BABAM2: variants seen among roughly 807,000 people sequenced by gnomAD.
The protein encoded by BABAM2 is BRISC and BRCA1-A complex member 2.
In BABAM2, 31 loss-of-function variants were observed where a neutral mutation model predicts 54.7. That is an observed-to-expected ratio of 0.57 (90% CI 0.43 to 0.77). The LOEUF (loss-of-function observed/expected upper bound fraction) is 0.77, where lower values mean the gene tolerates loss of function less well. Among genes scored for constraint, BABAM2 ranks in the 30% least tolerant of loss-of-function variants. The pLI is 0.00. For missense variants in BABAM2, 364 were observed against 455.8 expected (o/e 0.80, Z 1.83); for synonymous variants, 167 against 162.9 (o/e 1.03, Z -0.19).
intron 6 of BABAM2, among the ~76,000 whole-genome samples, chr2:28,101,930 T>G (rs1558336256): frequency 6.6e-6 from 1 of 152,200 alleles, no homozygotes; most frequent in Non-Finnish European, 1.5e-5. Context: ...GAATGTGTGT[T>G]TTTTAACAAA....
chr2:28,164,744 A>G (rs1381969095), intron 7 of BABAM2, among the ~76,000 whole-genome samples: 9 of 152,162 alleles, frequency 5.9e-5, no homozygotes, highest in Admixed American at 4.6e-4. Context: ...TGTCACATGT[A>G]TCTTGGCGCT....
intron 2 of BABAM2, among the ~76,000 whole-genome samples, chr2:27,920,179 T>C (rs1305494022): frequency 6.6e-6 from 1 of 152,206 alleles, no homozygotes; most frequent in African/African-American, 2.4e-5. Context: ...CAATTTTGTC[T>C]TCTTTTACCG....
intron 10 of BABAM2, among the ~76,000 whole-genome samples, chr2:28,251,014 A>G (rs1683429040): frequency 6.6e-6 from 1 of 152,186 alleles, no homozygotes. Context: ...TCAGAGCTGT[A>G]GGATTGGGGC....
At chr2:28,211,380 T>G (rs1679433305) in intron 7 of BABAM2, among the ~76,000 whole-genome samples, 1 of 113,440 alleles carries the variant, frequency 8.8e-6, no homozygotes, top group South Asian at 3.3e-4. Context: ...GTTCCTTCCT[T>G]ATTATCTTTT....
At chr2:27,982,882 C>CACACAT (rs746699740) in intron 3 of BABAM2, among the ~76,000 whole-genome samples, 2,644 of 146,370 alleles carry the variant, frequency 0.018, 53 homozygotes, top group African/African-American at 0.049. Context: ...CACACACACA[C>CACACAT]ATATATGTCA....
intron 4 of BABAM2, among the ~76,000 whole-genome samples, chr2:27,993,060 G>C (rs889970310): frequency 2.7e-4 from 41 of 152,012 alleles, no homozygotes; most frequent in Non-Finnish European, 7.4e-5. Flanking sequence ...ATGATTTTTG[G>C]TTGCTTGTTT....
intron 7 of BABAM2, among the ~76,000 whole-genome samples, chr2:28,186,541 G>A (rs1000678555): frequency 1.3e-5 from 2 of 152,098 alleles, no homozygotes; most frequent in African/African-American, 4.8e-5. Context: ...TGAGGCAGGA[G>A]CATTGCTTGA....
At chr2:28,326,807 G>A (rs1164899517) in intron 11 of BABAM2, among the ~76,000 whole-genome samples, 2 of 152,220 alleles carry the variant, frequency 1.3e-5, no homozygotes, top group African/African-American at 4.8e-5. Flanking sequence ...TTACAGGGAT[G>A]ACCTATGCTA....
chr2:28,079,326 G>C (rs1664961410), intron 6 of BABAM2, among the ~76,000 whole-genome samples: 1 of 152,060 alleles, frequency 6.6e-6, no homozygotes. Flanking sequence ...CATTATATCA[G>C]TGATTAGACT....
intron 11 of BABAM2, 79 bp from the exon 12 acceptor site, chr2:28,338,371 C>T: frequency 3.9e-6 from 5 of 1,280,280 alleles, no homozygotes; most frequent in Non-Finnish European, 5.7e-6. Flanking sequence ...TCTGAGTTAG[C>T]TTGAAAGCTC....
rs1344247281 is a variant in BABAM2, at chr2:28,112,146, T to TTTCTTTCTCTTTC, written c.571-17123_571-17122insCTTTCTCTTTCTT. Among the ~76,000 whole-genome samples the TTTCTTTCTCTTTC allele has an allele frequency of 1.9e-4, 2 of 10,558 alleles. 1 individual carries two copies. Among genetic ancestry groups the TTTCTTTCTCTTTC allele is most frequent in the Non-Finnish European group, 2.9e-4 (2 of 6,800 alleles). The allele number at this position is 10,558 out of a possible 152,430, so 6.9% of individuals were successfully genotyped here. ...CTTTCTTTCTTTCTTTCTTTCTTTC[T>TTTCTTTCTCTTTC]TTACCTCCCTCCCTCCCTCCCTCCC... On this transcript the variant is annotated intron_variant, in intron 6 of 11. Coordinates refer to ENST00000379624, the MANE Select transcript of BABAM2 (RefSeq NM_199191.3).
intron 1 of BABAM2, chr2:27,892,400 A>G (rs1664932692): frequency 6.6e-6 from 1 of 152,238 alleles, no homozygotes; most frequent in Admixed American, 6.5e-5. Flanking sequence ...AGATAAAGTA[A>G]TAATGGGTAC....
intron 3 of BABAM2, among the ~76,000 whole-genome samples, chr2:27,960,380 G>A (rs575317099): frequency 6.6e-6 from 1 of 152,140 alleles, no homozygotes; most frequent in Admixed American, 6.5e-5. Context: ...GCTCTGGTTT[G>A]TGCCTGTGTG....
At chr2:28,035,078 C>G (rs1676569110) in intron 5 of BABAM2, among the ~76,000 whole-genome samples, 1 of 152,030 alleles carries the variant, frequency 6.6e-6, no homozygotes, top group Non-Finnish European at 1.5e-5. Flanking sequence ...TACAAAAAAA[C>G]TCATTAATGA....
chr2:27,949,152 C>A (rs559324808), intron 3 of BABAM2, among the ~76,000 whole-genome samples: 1 of 152,154 alleles, frequency 6.6e-6, no homozygotes, highest in Non-Finnish European at 1.5e-5. Context: ...AGAAGGAAGG[C>A]GAGTACATTG....
intron 2 of BABAM2, among the ~76,000 whole-genome samples, chr2:27,899,625 C>T (rs1665625520): frequency 6.6e-6 from 1 of 152,098 alleles, no homozygotes; most frequent in Non-Finnish European, 1.5e-5. Flanking sequence ...GCCACCATGC[C>T]TGGCTAATTT....
intron 9 of BABAM2, among the ~76,000 whole-genome samples, chr2:28,241,824 C>T (rs1400145362): frequency 6.6e-6 from 1 of 150,554 alleles, no homozygotes; most frequent in Admixed American, 6.6e-5. Flanking sequence ...CCACTTTGAT[C>T]CTTTTTGGTA....
chr2:27,974,022 A>G (rs536501592), intron 3 of BABAM2, among the ~76,000 whole-genome samples: 24 of 152,340 alleles, frequency 1.6e-4, no homozygotes, highest in African/African-American at 5.5e-4. Flanking sequence ...GATTAATCCT[A>G]TATCTGTTAA....
At chr2:28,149,260 A>G (rs1286513912) in intron 7 of BABAM2, among the ~76,000 whole-genome samples, 1 of 152,194 alleles carries the variant, frequency 6.6e-6, no homozygotes, top group East Asian at 1.9e-4. Context: ...CTACACACTG[A>G]GTACTGGGTA....
Sources: allele counts gnomAD v4.1 joint callset (sites outside exome capture counted in the v4.1 genomes callset), GRCh38; gene constraint gnomAD v4.1.1; transcripts MANE v1.5; gene names NCBI Gene and HGNC (gene_info 2026-07-23, HGNC 2026-07-21).